The following ALKBH6 variants were observed in gnomAD, a reference collection of about 807,000 sequenced individuals.
The protein encoded by ALKBH6 is alkB homolog 6, nucleotide demethylase.
A neutral mutation model predicts 25.1 loss-of-function variants in ALKBH6; 20 were observed. That is an observed-to-expected ratio of 0.80 (90% confidence interval 0.56 to 1.16). The LOEUF (loss-of-function observed/expected upper bound fraction) is 1.16, where lower values mean the gene tolerates loss of function less well. ALKBH6 is among the 50% of genes most tolerant of loss of function. The probability of loss-of-function intolerance (pLI) is 0.00; values close to 1 mark genes in which losing one functional copy is unlikely to be tolerated. For synonymous variants in ALKBH6, 156 were observed against 147.5 expected (o/e 1.06, Z -0.42); for missense variants, 263 against 326.5 (o/e 0.81, Z 1.50).
chr19:36,013,653 G>A lies in ALKBH6; in HGVS notation c.-25-231C>T, dbSNP rs1968686250. On this transcript the variant is annotated intron_variant, in intron 1 of 6. Coordinates refer to ENST00000378875, the MANE Select transcript of ALKBH6 (RefSeq NM_032878.5). This position sits in a 1 kb window ranked among gnomAD's most constrained non-coding sequence, Gnocchi z 4.6. ...TCCCCCATTACTCTGTCCACTAAGG[G>A]CCCATCCAACTACACATATGCCTTC... is the stretch of plus-strand genomic sequence containing the variant. 3 of 1,374,336 alleles carry A rather than the reference G, an allele frequency of 2.2e-6. No individual in the cohort carries two copies. The highest frequency in any genetic ancestry group is 2.9e-5 in the East Asian group (1 of 35,030). 85.1% of individuals were successfully genotyped at this position (1,374,336 alleles called of 1,614,324 possible).
Position 36,011,427 on chromosome 19 carries a change from G to C in ALKBH6, c.161C>G (p.Ser54Cys), listed in dbSNP as rs200768994. The change falls in exon 4 of 7, where the codon TCT (serine) becomes TGT (cysteine). Residue 54 changes from serine (S) to cysteine (C), a missense_variant. By Grantham distance (112) the Ser-to-Cys change is moderately radical (BLOSUM62 -1). Transcript: ENST00000378875. ...ACCCCAGTTCTGTAACTTTCTCCCA[G>C]AGAGCTGGGTCCACTTTGGCTTTGG... ...NAPKPKWTQLSGRKLQNWGGL... is the reference protein window; with the variant it reads ...NAPKPKWTQLCGRKLQNWGGL... The C allele has an allele frequency of 6.2e-7, 1 of 1,613,472 alleles. No individual in the cohort carries two copies. The highest frequency in any genetic ancestry group is 8.5e-7 in the Non-Finnish European group (1 of 1,179,972).
intron 6 of ALKBH6, 52 bp from the exon 7 acceptor site, chr19:36,009,605 T>TGGTTGGGGGGGGGGGGGGGGG: frequency 7.6e-6 from 1 of 132,198 alleles, no homozygotes; most frequent in Non-Finnish European, 1.2e-5. Flanking sequence ...GGGGTGGGGG[T>TGGTTGGGGGGGGGGGGGGGGG]GGGCGAGAGG....
At chr19:36,014,214 C>T, upstream of ALKBH6, 1 of 1,612,916 alleles carries the variant, frequency 6.2e-7, no homozygotes, top group South Asian at 1.1e-5. Flanking sequence ...ATTCAACATC[C>T]CCATCCCCCT....
Position 36,013,570 on chromosome 19 carries a change from C to A in ALKBH6, c.-25-148G>T. 6.9e-7 allele frequency: 1 copy of A among 1,447,570 alleles called. No individual in the cohort carries two copies. The allele number at this position is 1,447,570 out of a possible 1,614,324, so 89.7% of individuals were successfully genotyped here. On this transcript the variant is annotated intron_variant, in intron 1 of 6. Transcript: ENST00000378875. The surrounding 1 kb of genome is among the most constrained non-coding windows in gnomAD (Gnocchi z 4.6). ...TAAAATCTGAGTCTTCAGCATCTTA[C>A]AAGCCACACAGAGAGCCCCTACGTT...
intron 4 of ALKBH6, 170 bp downstream of exon 4, chr19:36,011,234 A>G (rs1408173225): frequency 1.1e-5 from 13 of 1,132,304 alleles, no homozygotes; most frequent in African/African-American, 1.6e-5. Context: ...CCAACTCATC[A>G]GGAAATCCCT....
At chr19:36,012,222 C>T (rs996106454) in intron 3 of ALKBH6, 2 of 152,192 alleles carry the variant, frequency 1.3e-5, no homozygotes, top group African/African-American at 2.4e-5. Flanking sequence ...GTTCTGCAAC[C>T]GACTTGTTCC....
chr19:36,013,981 GC>G lies in ALKBH6; in HGVS notation c.-26+193del. Reference sequence around the variant, plus strand: ...CCCTCCTGAGCGCCCCTTCACTCCAGCACCCTGAGATCTTTAGCTCTGAGGC... The same window carrying G: ...CCCTCCTGAGCGCCCCTTCACTCCAGACCCTGAGATCTTTAGCTCTGAGGC... On this transcript the variant is annotated intron_variant, in intron 1 of 6. Transcript: ENST00000378875. The surrounding 1 kb of genome is among the most constrained non-coding windows in gnomAD (Gnocchi z 4.6). The G allele has an allele frequency of 7.1e-7, 1 of 1,401,562 alleles. No individual in the cohort carries two copies. The highest frequency in any genetic ancestry group is 1.6e-5 in the South Asian group (1 of 62,670). The allele number at this position is 1,401,562 out of a possible 1,614,324, so 86.8% of individuals were successfully genotyped here.
At position 36,013,785 on chromosome 19, in the gene ALKBH6, T is replaced by C. The variant is rs1356157693; in HGVS notation, c.-25-363A>G. The stretch of plus-strand genomic sequence containing the variant: ...GCACTCCAGAGCCCCTTTAAACACC[T>C]TGAGACCCCGCTTCAGACCTGCAAC... On this transcript the variant is annotated intron_variant, in intron 1 of 6. Transcript: ENST00000378875. This position sits in a 1 kb window ranked among gnomAD's most constrained non-coding sequence, Gnocchi z 4.6. The C allele has an allele frequency of 1.6e-6, 2 of 1,268,330 alleles. No individual in the cohort carries two copies. Among genetic ancestry groups the C allele is most frequent in the African/African-American group, 3.1e-5 (2 of 64,346 alleles). The allele number at this position is 1,268,330 out of a possible 1,614,324, so 78.6% of individuals were successfully genotyped here.
Position 36,011,432 on chromosome 19 carries a change from C to G in ALKBH6, c.156G>C (p.Gln52His). 3.7e-6 allele frequency: 6 copies of G among 1,613,532 alleles called. No individual in the cohort carries two copies. The highest frequency in any genetic ancestry group is 5.1e-6 in the Non-Finnish European group (6 of 1,179,970). Reference protein sequence around the residue: ...VFNAPKPKWTQLSGRKLQNWG... With the variant: ...VFNAPKPKWTHLSGRKLQNWG... ...AGTTCTGTAACTTTCTCCCAGAGAG[C>G]TGGGTCCACTTTGGCTTTGGGGCAT... The change falls in exon 4 of 7, where the codon CAG (glutamine) becomes CAC (histidine). Residue 52 changes from glutamine (Q) to histidine (H), a missense_variant. By Grantham distance (24) the Gln-to-His change is conservative. Around this residue, in one of 3 missense-constraint regions of ALKBH6, gnomAD observed 112 missense variants for 153.0 expected, o/e 0.73. Coordinates refer to ENST00000378875, the MANE Select transcript of ALKBH6 (RefSeq NM_032878.5).
In ALKBH6 at chr19:36,013,461, C is replaced by T. The variant is rs376263459; in HGVS notation, c.-25-39G>A. 6.2e-7 allele frequency: 1 copy of T among 1,611,606 alleles called. No homozygotes were observed. The highest frequency in any genetic ancestry group is 8.5e-7 in the Non-Finnish European group (1 of 1,178,682). The stretch of plus-strand genomic sequence containing the variant: ...AGGACATACTGAAGTCACTAGGCCT[C>T]CCGCCCTAACACCATGATGCAGCAT... On this transcript the variant is annotated intron_variant, in intron 1 of 6. Coordinates refer to ENST00000378875, the MANE Select transcript of ALKBH6 (RefSeq NM_032878.5). The surrounding 1 kb of genome is among the most constrained non-coding windows in gnomAD (Gnocchi z 4.6).
In ALKBH6 at chr19:36,013,163, T is replaced by A; in HGVS notation, c.55-74A>T. The A allele has an allele frequency of 6.6e-7, 1 of 1,505,600 alleles. No individual in the cohort carries two copies. 93.3% of individuals were successfully genotyped at this position (1,505,600 alleles called of 1,614,324 possible). A position where few individuals can be genotyped will look rare whatever the true frequency, so the allele number is the denominator to read the frequency against. On this transcript the variant is annotated intron_variant, in intron 2 of 6. Coordinates refer to ENST00000378875, the MANE Select transcript of ALKBH6 (RefSeq NM_032878.5). This position sits in a 1 kb window ranked among gnomAD's most constrained non-coding sequence, Gnocchi z 4.6. Reference sequence around the variant, plus strand: ...GGACATATCATCACAGAGCAACCCCTATGCCTGGAGACAGGCTCAGGATGT... The same window carrying A: ...GGACATATCATCACAGAGCAACCCCAATGCCTGGAGACAGGCTCAGGATGT...
At chr19:36,009,921 G>T (rs894072529) in intron 6 of ALKBH6, among the ~76,000 whole-genome samples, 10 of 152,152 alleles carry the variant, frequency 6.6e-5, no homozygotes, top group Non-Finnish European at 1.5e-4. Context: ...GGCTGAGAGA[G>T]CATGGCTGAA....
chr19:36,009,149 G>T lies in ALKBH6; in HGVS notation c.*141C>A. On this transcript the variant is annotated 3_prime_UTR_variant, in exon 7 of 7. Coordinates refer to ENST00000378875, the MANE Select transcript of ALKBH6 (RefSeq NM_032878.5). ...GATTTTTTTGTTTATTTGGTATGGG[G>T]TCTTCTGTAGCTCACACAAAATTAT... is the stretch of plus-strand genomic sequence containing the variant. 8.6e-7 allele frequency: 1 copy of T among 1,167,206 alleles called. No individual in the cohort carries two copies. The highest frequency in any genetic ancestry group is 1.1e-6 in the Non-Finnish European group (1 of 929,076). 72.3% of individuals were successfully genotyped at this position (1,167,206 alleles called of 1,614,324 possible). A position where few individuals can be genotyped will look rare whatever the true frequency, so the allele number is the denominator to read the frequency against.
In ALKBH6 at chr19:36,010,209, C is replaced by T; in HGVS notation, c.453+358G>A. ...ACCCCAAATCACATTCCTGGAGTAG[C>T]AGGACGTCTGGGGCACCCTGAGCAG... is the stretch of plus-strand genomic sequence containing the variant. On this transcript the variant is annotated intron_variant, in intron 6 of 6. Coordinates refer to ENST00000378875, the MANE Select transcript of ALKBH6 (RefSeq NM_032878.5). This position sits in a 1 kb window ranked among gnomAD's most constrained non-coding sequence, Gnocchi z 5.5. 4.0e-6 allele frequency: 1 copy of T among 247,362 alleles called. No homozygotes were observed. Among genetic ancestry groups the T allele is most frequent in the Non-Finnish European group, 7.8e-6 (1 of 127,484 alleles). The allele number at this position is 247,362 out of a possible 1,614,324, so 15.3% of individuals were successfully genotyped here. A position where few individuals can be genotyped will look rare whatever the true frequency, so the allele number is the denominator to read the frequency against.
Position 36,014,195 on chromosome 19 carries a change from A to C in ALKBH6, c.-46T>G. 6.2e-7 allele frequency: 1 copy of C among 1,610,690 alleles called. No homozygotes were observed. Among genetic ancestry groups the C allele is most frequent in the Admixed American group, 1.7e-5 (1 of 59,770 alleles). On this transcript the variant is annotated 5_prime_UTR_variant, in exon 1 of 7. The change creates a new upstream start codon in the 5' untranslated region. Transcript: ENST00000378875. ...CTGACCGTCCACCAGCGTCCCCTCC[A>C]ATTTCCAAATTCAACATCCCCATCC...
chr19:36,010,594 C>A lies in ALKBH6; in HGVS notation c.426G>T (p.Arg142=). ...GTTCTGTAGGGTCATCGTCCTCTGGCCGCCGCGGCTCGTAGAAGTCCAGCA... is the reference window on the plus strand; with the variant it reads ...GTTCTGTAGGGTCATCGTCCTCTGGACGCCGCGGCTCGTAGAAGTCCAGCA... ...HTVLDFYEPR[R]PEDDDPTEQP... is the part of the protein sequence containing the mutation. The change falls in exon 6 of 7, where the codon CGG becomes CGT. Residue 142 remains arginine, a synonymous_variant. Transcript: ENST00000378875. This position sits in a 1 kb window ranked among gnomAD's most constrained non-coding sequence, Gnocchi z 5.5. 1.2e-6 allele frequency: 2 copies of A among 1,613,970 alleles called. No individual in the cohort carries two copies. Among genetic ancestry groups the A allele is most frequent in the Middle Eastern group, 3.3e-4 (2 of 6,058 alleles).
rs748868009 is a variant in ALKBH6 at position 36,010,584 on chromosome 19, C to A, written c.436G>T (p.Asp146Tyr). 2 of 1,613,718 alleles carry A rather than the reference C, an allele frequency of 1.2e-6. No homozygotes were observed. The highest frequency in any genetic ancestry group is 2.7e-5 in the African/African-American group (2 of 74,884). The change falls in exon 6 of 7, where the codon GAT becomes TAT. Residue 146 changes from aspartate (D) to tyrosine (Y), a missense_variant. Physicochemically the swap from Asp to Tyr is radical, Grantham distance 160. Coordinates refer to ENST00000378875, the MANE Select transcript of ALKBH6 (RefSeq NM_032878.5). This position sits in a 1 kb window ranked among gnomAD's most constrained non-coding sequence, Gnocchi z 5.5. ...GGGCCCACCTGTTCTGTAGGGTCAT[C>A]GTCCTCTGGCCGCCGCGGCTCGTAG... ...DFYEPRRPED[D>Y]DPTEQPRPPP...
chr19:36,012,415 T>A (rs1968633980), intron 3 of ALKBH6: 1 of 153,554 alleles, frequency 6.5e-6, no homozygotes, highest in Non-Finnish European at 1.4e-5. Flanking sequence ...CTGGGCTATT[T>A]CAGCCCAGGA....
intron 6 of ALKBH6, 45 bp from the exon 7 acceptor site, chr19:36,009,598 GTGGGGGT>G: frequency 8.7e-7 from 1 of 1,143,770 alleles, no homozygotes; most frequent in Non-Finnish European, 1.1e-6. Context: ...AAGTCGGGGG[GTGGGGGT>G]GGGCGAGAGG....
Sources: gnomAD v4.1 joint callset for allele counts (sites outside exome capture counted in the v4.1 genomes callset) on GRCh38, gnomAD v4.1.1 for gene constraint, gnomAD v4.1.1 regional missense constraint, Gnocchi (gnomAD v3.1) non-coding constraint, MANE v1.5 for transcripts, NCBI Gene and HGNC (gene_info 2026-07-23, HGNC 2026-07-21) for gene names.